Variants in BICD1 observed in about 807,000 individuals in gnomAD.
BICD1 encodes the protein protein bicaudal D homolog 1.
BICD1 carries 35 observed loss-of-function variants against 92.5 expected under a neutral mutation model. That is an observed-to-expected ratio of 0.38 (90% CI 0.29 to 0.50). BICD1 has a LOEUF of 0.50. BICD1 is among the 20% of genes least tolerant of loss of function. The pLI is 0.93. For missense variants in BICD1, 950 were observed against 1,189.8 expected (o/e 0.80, Z 2.97); for synonymous variants, 429 against 465.1 (o/e 0.92, Z 1.00).
At chr12:32,152,984 A>T (rs963929213) in intron 1 of BICD1, among the ~76,000 whole-genome samples, 3 of 152,142 alleles carry the variant, frequency 2.0e-5, no homozygotes, top group Admixed American at 2.0e-4. Context: ...ATATCGTGTC[A>T]TGCTGAGGTT....
At chr12:32,300,798 C>A (rs1266191585) in intron 3 of BICD1, among the ~76,000 whole-genome samples, 1 of 150,066 alleles carries the variant, frequency 6.7e-6, no homozygotes, top group Non-Finnish European at 1.5e-5. Flanking sequence ...GCACCCACCA[C>A]CATGCCCAGC....
Position 32,107,360 on chromosome 12 carries a change from T to G in BICD1, c.29T>G (p.Val10Gly), listed in dbSNP as rs1203331100. 1 of 1,607,798 alleles carries G rather than the reference T, an allele frequency of 6.2e-7. No homozygotes were observed. The highest frequency in any genetic ancestry group is 1.7e-5 in the Admixed American group (1 of 58,876). Reference sequence around the variant, plus strand: ...GCCGCAGAAGAGGTATTGCAGACGGTGGACCATTATAAGACTGAGATAGAG... The same window carrying G: ...GCCGCAGAAGAGGTATTGCAGACGGGGGACCATTATAAGACTGAGATAGAG... MAAEEVLQT[V>G]DHYKTEIERL... Residue 10 changes from valine to glycine, a missense_variant, in exon 1 of 10, where the codon GTG becomes GGG. This residue lies in a region of BICD1 where 202 missense variants were observed against 205.3 expected (regional missense o/e 0.98). Coordinates refer to ENST00000652176, the MANE Select transcript of BICD1 (RefSeq NM_001714.4).
chr12:32,362,114 C>T (rs1939353435), intron 8 of BICD1, among the ~76,000 whole-genome samples: 1 of 152,222 alleles, frequency 6.6e-6, no homozygotes, highest in Admixed American at 6.5e-5. Flanking sequence ...AATCCCAGCA[C>T]TTTGGGAGGC....
At chr12:32,122,818 G>A (rs1322275264) in intron 1 of BICD1, among the ~76,000 whole-genome samples, 5 of 152,096 alleles carry the variant, frequency 3.3e-5, no homozygotes, top group Non-Finnish European at 5.9e-5. Flanking sequence ...AATGCCAAGC[G>A]AAAAAATCTT....
chr12:32,207,981 T>A (rs1264713744), intron 1 of BICD1, among the ~76,000 whole-genome samples: 1 of 152,200 alleles, frequency 6.6e-6, no homozygotes, highest in Non-Finnish European at 1.5e-5. Flanking sequence ...CTTGCCAGTG[T>A]TCAATCTGAG....
rs570282040 is a variant in BICD1 at position 32,198,655 on chromosome 12, A to G, written c.214-17592A>G. ...CTTCTTAAAATGGTCCTCCACTCTT[A>G]TGACTTCTGGCTGTTTGTACACAAG... On this transcript the variant is annotated intron_variant, in intron 1 of 9. Coordinates refer to ENST00000652176, the MANE Select transcript of BICD1 (RefSeq NM_001714.4). Among the ~76,000 whole-genome samples, 20 of 149,222 alleles carry G rather than the reference A, an allele frequency of 1.3e-4. 1 individual carries two copies. The South Asian group carries it at 3.4e-3, about 25-fold the overall frequency.
intron 2 of BICD1, among the ~76,000 whole-genome samples, chr12:32,281,967 A>G (rs1947421465): frequency 6.6e-6 from 1 of 152,188 alleles, no homozygotes; most frequent in Non-Finnish European, 1.5e-5. Flanking sequence ...AAGATAGCCA[A>G]TAAACACACA....
rs75408220 is a variant in BICD1, at chr12:32,379,656, G to T, written c.*2029G>T. ...GAAAGCTTACCCCTGCCCTCACTTT[G>T]TGTTTTTTATTTTTCCCCCTTTCTC... On this transcript the variant is annotated 3_prime_UTR_variant, in exon 10 of 10. Coordinates refer to ENST00000652176, the MANE Select transcript of BICD1 (RefSeq NM_001714.4). The T allele has an allele frequency of 0.059, 8,972 of 151,296 alleles. 384 individuals carry two copies. The highest frequency in any genetic ancestry group is 0.15 in the Middle Eastern group (43 of 288). 9.4% of individuals were successfully genotyped at this position (151,296 alleles called of 1,614,324 possible).
chr12:32,253,501 T>A (rs910058068), intron 2 of BICD1, among the ~76,000 whole-genome samples: 5 of 151,914 alleles, frequency 3.3e-5, no homozygotes, highest in East Asian at 1.9e-4. Context: ...TTTTTTTTTT[T>A]ATTTTTATAG....
chr12:32,254,970 T>C (rs919191297), intron 2 of BICD1, among the ~76,000 whole-genome samples: 2 of 152,146 alleles, frequency 1.3e-5, no homozygotes, highest in South Asian at 2.1e-4. Flanking sequence ...GCCACTGTAT[T>C]AGTCTGCTTG....
chr12:32,305,937 G>C lies in BICD1; in HGVS notation c.820G>C (p.Glu274Gln). 4 of 1,614,194 alleles carry C rather than the reference G, an allele frequency of 2.5e-6. No homozygotes were observed. The highest frequency in any genetic ancestry group is 3.4e-6 in the Non-Finnish European group (4 of 1,180,036). Residue 274 changes from glutamate to glutamine, a missense_variant, in exon 4 of 10, where the codon GAG becomes CAG. By Grantham distance (29) the Glu-to-Gln change is conservative. Transcript: ENST00000652176. ...CTCAGTAGATGGACTCAAATTTGCCGAGGATGGGAGTGAACCAAACAATGA... is the reference window on the plus strand; with the variant it reads ...CTCAGTAGATGGACTCAAATTTGCCCAGGATGGGAGTGAACCAAACAATGA... ...SISVDGLKFA[E>Q]DGSEPNNDDK...
At chr12:32,219,609 T>A (rs951750801) in intron 2 of BICD1, among the ~76,000 whole-genome samples, 1 of 151,982 alleles carries the variant, frequency 6.6e-6, no homozygotes, top group Non-Finnish European at 1.5e-5. Flanking sequence ...AAACATGAGA[T>A]AAATATCTCT....
intron 1 of BICD1, among the ~76,000 whole-genome samples, chr12:32,210,443 T>C (rs1477781780): frequency 6.6e-6 from 1 of 152,188 alleles, no homozygotes; most frequent in East Asian, 1.9e-4. Flanking sequence ...GAATAATGGG[T>C]ACGAAATTTC....
At chr12:32,235,181 G>C (rs1010380126) in intron 2 of BICD1, among the ~76,000 whole-genome samples, 4 of 152,176 alleles carry the variant, frequency 2.6e-5, no homozygotes, top group African/African-American at 9.7e-5. Context: ...TAGCTTACAG[G>C]AGAGTGTGTC....
At chr12:32,208,531 C>T (rs1222549439) in intron 1 of BICD1, among the ~76,000 whole-genome samples, 2 of 152,192 alleles carry the variant, frequency 1.3e-5, no homozygotes, top group Non-Finnish European at 2.9e-5. Context: ...ATGAGTACAT[C>T]TGCCCTTTCA....
At chr12:32,193,977 C>T (rs1449433224) in intron 1 of BICD1, among the ~76,000 whole-genome samples, 1 of 152,132 alleles carries the variant, frequency 6.6e-6, no homozygotes, top group Non-Finnish European at 1.5e-5. Flanking sequence ...CCTAATTCAA[C>T]AGCACACTAA....
chr12:32,270,785 C>T (rs1470690867), intron 2 of BICD1, among the ~76,000 whole-genome samples: 2 of 152,112 alleles, frequency 1.3e-5, no homozygotes, highest in African/African-American at 4.8e-5. Flanking sequence ...AGGTTTATTG[C>T]CTAAGATGCT....
chr12:32,213,716 G>T (rs2121550596), intron 1 of BICD1, among the ~76,000 whole-genome samples: 1 of 152,254 alleles, frequency 6.6e-6, no homozygotes, highest in South Asian at 2.1e-4. Context: ...TATTATATGA[G>T]AGGGTACATG....
intron 8 of BICD1, among the ~76,000 whole-genome samples, chr12:32,346,560 A>ATATACGTGTG (rs1555171232): frequency 1.4e-4 from 3 of 21,158 alleles, no homozygotes; most frequent in African/African-American, 2.6e-4. Context: ...ATATATATAT[A>ATATACGTGTG]TATATATATA....
Sources: gnomAD v4.1 joint callset for allele counts (sites outside exome capture counted in the v4.1 genomes callset) on GRCh38, gnomAD v4.1.1 for gene constraint, gnomAD v4.1.1 regional missense constraint, MANE v1.5 for transcripts, NCBI Gene and HGNC (gene_info 2026-07-23, HGNC 2026-07-21) for gene names.